ZNF765: variants seen among roughly 807,000 people sequenced by gnomAD.
ZNF765 encodes the protein zinc finger protein 765.
In ZNF765, 37 loss-of-function variants were observed where a neutral mutation model predicts 44.7. The ratio of observed to expected loss-of-function variants is 0.83; its 90% CI spans 0.64 to 1.09. The LOEUF (loss-of-function observed/expected upper bound fraction) is 1.09. Among genes scored for constraint, ZNF765 ranks in the 50% least tolerant of loss-of-function variants. ZNF765 has a pLI of 0.00. For synonymous variants in ZNF765, 201 were observed against 213.7 expected (o/e 0.94, Z 0.52); for missense variants, 594 against 626.1 (o/e 0.95, Z 0.55).
chr19:53,416,020 T>C (rs1324148739), downstream of ZNF765, among the ~76,000 whole-genome samples: 1 of 152,086 alleles, frequency 6.6e-6, no homozygotes, highest in African/African-American at 2.4e-5. Context: ...AGTGGTGCCT[T>C]CTCTGCTCAC....
intron 3 of ZNF765, among the ~76,000 whole-genome samples, chr19:53,422,093 C>T (rs1232718189): frequency 1.3e-5 from 2 of 152,118 alleles, no homozygotes; most frequent in African/African-American, 4.8e-5. Flanking sequence ...TAATTGGTAT[C>T]AGCCTCTGGG....
exon 4 of ZNF765, chr19:53,425,196 G>A (rs2085931671): frequency 6.6e-6 from 1 of 152,238 alleles, no homozygotes; most frequent in South Asian, 2.1e-4. Context: ...TGCCAGCAGG[G>A]GTCACTGTTT....
rs1208101355 is a variant in ZNF765 at position 53,411,318 on chromosome 19, GT to G, written c.*2194del. 6.7e-6 allele frequency: 1 copy of G among 148,758 alleles called. No homozygotes were observed. The highest frequency in any genetic ancestry group is 1.5e-5 in the Non-Finnish European group (1 of 68,348). The allele number at this position is 148,758 out of a possible 1,614,324, so 9.2% of individuals were successfully genotyped here. A position where few individuals can be genotyped will look rare whatever the true frequency, so the allele number is the denominator to read the frequency against. On this transcript the variant is annotated 3_prime_UTR_variant, in exon 4 of 4. Coordinates refer to ENST00000396408, the MANE Select transcript of ZNF765 (RefSeq NM_001040185.3). ...TTTTTTTTTTTTTTTTTGAGATGGA[GT>G]TTCACTCTTGTTGCCCAGGCTGGAC...
chr19:53,399,090 A>T (rs936836149), intron 2 of ZNF765, among the ~76,000 whole-genome samples: 5 of 151,050 alleles, frequency 3.3e-5, no homozygotes, highest in Non-Finnish European at 7.4e-5. Flanking sequence ...CTTTTTTTTA[A>T]AATTATTATT....
downstream of ZNF765, among the ~76,000 whole-genome samples, chr19:53,413,819 A>G (rs2085851614): frequency 6.7e-6 from 1 of 149,722 alleles, no homozygotes; most frequent in Admixed American, 6.8e-5. Context: ...GTCTGTCACA[A>G]GCTTGTGAAA....
chr19:53,396,245 G>GAC (rs1555830549), intron 1 of ZNF765, among the ~76,000 whole-genome samples: 21 of 148,732 alleles, frequency 1.4e-4, no homozygotes, highest in South Asian at 4.2e-4. Context: ...AGAGAGTGGG[G>GAC]ATGAGGGTAT....
rs767604021 is a variant in ZNF765, at chr19:53,408,461, A to G, written c.906A>G (p.Glu302=). 3.2e-5 allele frequency: 51 copies of G among 1,612,904 alleles called. No homozygotes were observed. The highest frequency in any genetic ancestry group is 6.7e-5 in the Admixed American group (4 of 59,898). ...LHTGEKPYKC[E]ECDKAFHFKS... is the part of the protein sequence containing the mutation. ...CTGGAGAGAAACCTTACAAATGTGA[A>G]GAATGTGACAAAGCTTTCCATTTCA... is the stretch of plus-strand genomic sequence containing the variant. Residue 302 remains glutamate (E), a synonymous_variant, in exon 4 of 4, where the codon GAA becomes GAG. Transcript: ENST00000396408.
intron 1 of ZNF765, among the ~76,000 whole-genome samples, chr19:53,396,881 C>T (rs1440047867): frequency 6.6e-6 from 1 of 152,242 alleles, no homozygotes; most frequent in Non-Finnish European, 1.5e-5. Flanking sequence ...AGCAGGTTTT[C>T]TTCTTTAGGC....
At chr19:53,413,116 GAAA>G (rs71304183), downstream of ZNF765, 3 of 339,698 alleles carry the variant, frequency 8.8e-6, no homozygotes, top group Non-Finnish European at 1.7e-5. Flanking sequence ...GTCTCAAAAA[GAAA>G]AAAAAAAAGA....
intron 3 of ZNF765, among the ~76,000 whole-genome samples, chr19:53,407,124 G>T (rs1447448569): frequency 1.3e-5 from 2 of 151,982 alleles, no homozygotes; most frequent in Non-Finnish European, 2.9e-5. Flanking sequence ...CGATTCTTGT[G>T]CCTCGTGAGT....
intron 2 of ZNF765, 28 bp from the exon 3 acceptor site, chr19:53,402,037 A>G (rs777633525): frequency 1.2e-6 from 2 of 1,613,774 alleles, no homozygotes; most frequent in Non-Finnish European, 1.7e-6. Context: ...TCCCATAACC[A>G]TTTGGTTAAA....
Position 53,408,725 on chromosome 19 carries a change from G to A in ZNF765, c.1170G>A (p.Lys390=). 1.3e-6 allele frequency: 2 copies of A among 1,575,114 alleles called. No homozygotes were observed. Among genetic ancestry groups the A allele is most frequent in the South Asian group, 2.3e-5 (2 of 86,698 alleles). The change falls in exon 4 of 4, where the codon AAG becomes AAA. Residue 390 remains lysine (K), a synonymous_variant. Transcript: ENST00000396408. The part of the protein sequence containing the change: ...EKPYKCNECS[K]TFSHKSSLTY... The stretch of plus-strand genomic sequence containing the variant: ...CTTACAAGTGTAATGAGTGTAGCAA[G>A]ACCTTTAGTCACAAGTCATCTCTTA...
intron 1 of ZNF765, 65 bp from the exon 2 acceptor site, chr19:53,397,878 T>G: frequency 1.4e-6 from 2 of 1,405,986 alleles, no homozygotes; most frequent in Non-Finnish European, 1.9e-6. Context: ...TTTGTATGTG[T>G]TGTTGTGTTA....
At chr19:53,401,041 C>T (rs2085720818) in intron 2 of ZNF765, among the ~76,000 whole-genome samples, 1 of 151,240 alleles carries the variant, frequency 6.6e-6, no homozygotes, top group East Asian at 2.0e-4. Flanking sequence ...GTATCTGTTG[C>T]CCAGACTGTA....
At chr19:53,413,524 G>A (rs1411904893), downstream of ZNF765, among the ~76,000 whole-genome samples, 1 of 151,282 alleles carries the variant, frequency 6.6e-6, no homozygotes, top group South Asian at 2.1e-4. Context: ...TAATAAATAT[G>A]TGAGGCTTTT....
chr19:53,403,454 G>C (rs2085747220), intron 3 of ZNF765, among the ~76,000 whole-genome samples: 1 of 151,062 alleles, frequency 6.6e-6, no homozygotes. Flanking sequence ...ATTGACTTTT[G>C]TTTGTTTGTT....
chr19:53,413,937 A>AAAG (rs2085852777), downstream of ZNF765, among the ~76,000 whole-genome samples: 1 of 149,384 alleles, frequency 6.7e-6, no homozygotes, highest in Non-Finnish European at 1.5e-5. Flanking sequence ...AGACAAAAAA[A>AAAG]AAAAAAAAAA....
intron 1 of ZNF765, among the ~76,000 whole-genome samples, chr19:53,396,206 A>G (rs986187918): frequency 5.9e-5 from 9 of 151,948 alleles, no homozygotes; most frequent in African/African-American, 1.5e-4. Context: ...GAAGCACAGC[A>G]GGGAGGACAC....
chr19:53,417,018 A>G (rs544891260), intron 3 of ZNF765, among the ~76,000 whole-genome samples: 6 of 152,124 alleles, frequency 3.9e-5, no homozygotes, highest in Admixed American at 6.6e-5. Flanking sequence ...AGGTTTCACC[A>G]TGTTGGCCAG....
Sources: allele counts gnomAD v4.1 joint callset (sites outside exome capture counted in the v4.1 genomes callset), GRCh38; gene constraint gnomAD v4.1.1; transcripts MANE v1.5; gene names NCBI Gene and HGNC (gene_info 2026-07-23, HGNC 2026-07-21).